The following UTRN variants were observed in gnomAD, a reference collection of about 807,000 sequenced individuals.
UTRN encodes the protein utrophin.
Under a neutral mutation model 463.9 loss-of-function variants are expected in UTRN, and 283 were observed. The ratio of observed to expected loss-of-function variants is 0.61; its 90% confidence interval spans 0.55 to 0.67. The LOEUF is 0.67. UTRN is among the 30% of genes least tolerant of loss of function. The pLI is 0.00. For missense variants in UTRN, 3,922 were observed against 4,084.3 expected (o/e 0.96, Z 1.08); for synonymous variants, 1,442 against 1,431.5 (o/e 1.01, Z -0.17).
At chr6:144,836,696 T>C in intron 71 of UTRN, 155 bp downstream of exon 71, 2 of 1,181,546 alleles carry the variant, frequency 1.7e-6, no homozygotes, top group South Asian at 1.6e-5. Context: ...TCCTTTTACA[T>C]GTAAGCATAT....
intron 53 of UTRN, among the ~76,000 whole-genome samples, chr6:144,708,814 A>G (rs538245281): frequency 6.6e-6 from 1 of 152,234 alleles, no homozygotes; most frequent in East Asian, 1.9e-4. Flanking sequence ...TTTGGCTCAC[A>G]CTTTTGGAGG....
intron 3 of UTRN, among the ~76,000 whole-genome samples, chr6:144,420,405 G>C (rs1306261532): frequency 6.6e-6 from 1 of 152,128 alleles, no homozygotes; most frequent in Non-Finnish European, 1.5e-5. Context: ...GGTAGTTAAA[G>C]GTCAAACTGG....
chr6:144,572,554 C>T (rs1055827487), intron 50 of UTRN, among the ~76,000 whole-genome samples: 1 of 152,076 alleles, frequency 6.6e-6, no homozygotes, highest in African/African-American at 2.4e-5. Flanking sequence ...CCTTGCCCCC[C>T]ACCCCCTGAC....
At chr6:144,519,014 G>T (rs1795864632) in intron 39 of UTRN, among the ~76,000 whole-genome samples, 1 of 152,124 alleles carries the variant, frequency 6.6e-6, no homozygotes, top group Non-Finnish European at 1.5e-5. Flanking sequence ...CAAAACATTT[G>T]TAGATGATTT....
chr6:144,501,220 C>T (rs1301049612), intron 34 of UTRN, among the ~76,000 whole-genome samples: 2 of 152,210 alleles, frequency 1.3e-5, no homozygotes, highest in African/African-American at 4.8e-5. Context: ...ATGAGCATTG[C>T]AAGTCATCGG....
chr6:144,541,148 T>C (rs890638163), intron 45 of UTRN, among the ~76,000 whole-genome samples: 3 of 152,212 alleles, frequency 2.0e-5, no homozygotes, highest in African/African-American at 7.2e-5. Context: ...AAGTGACTTA[T>C]CTGAGCAAAG....
intron 35 of UTRN, among the ~76,000 whole-genome samples, chr6:144,512,389 G>T (rs944516852): frequency 2.0e-5 from 3 of 152,048 alleles, no homozygotes; most frequent in African/African-American, 2.4e-5. Context: ...CTTAATAGGG[G>T]TAAACAAGTC....
At chr6:144,307,807 G>A (rs1449051346) in intron 2 of UTRN, among the ~76,000 whole-genome samples, 1 of 149,810 alleles carries the variant, frequency 6.7e-6, no homozygotes, top group Non-Finnish European at 1.5e-5. Flanking sequence ...CTAATTAACA[G>A]TCTGCCTCAG....
At chr6:144,641,434 A>G (rs1777756180) in intron 51 of UTRN, among the ~76,000 whole-genome samples, 2 of 152,216 alleles carry the variant, frequency 1.3e-5, no homozygotes, top group African/African-American at 4.8e-5. Context: ...AGCAGGCTTC[A>G]GAGAGAACAG....
At chr6:144,728,043 G>C (rs1022583885) in intron 53 of UTRN, among the ~76,000 whole-genome samples, 2 of 148,326 alleles carry the variant, frequency 1.3e-5, no homozygotes, top group Admixed American at 6.8e-5. Context: ...GAGGTTGCAA[G>C]TGAGCCAAGA....
intron 57 of UTRN, 48 bp downstream of exon 57, chr6:144,754,846 A>C: frequency 6.4e-7 from 1 of 1,552,926 alleles, no homozygotes; most frequent in South Asian, 1.1e-5. Context: ...ATGAATTAGC[A>C]TTTTCTTTCA....
In UTRN at chr6:144,851,096, C is replaced by T. The variant is rs900340555; in HGVS notation, c.*99C>T. The T allele has an allele frequency of 6.6e-6, 10 of 1,511,388 alleles. No individual in the cohort carries two copies. The East Asian group carries it at 2.0e-4, about 31-fold the overall frequency. 93.6% of individuals were successfully genotyped at this position (1,511,388 alleles called of 1,614,324 possible). ...CATTAAATCAGAAGCTCCATGGCTC[C>T]TTGGCCCACGATGTTGAGTGCTGAC... On this transcript the variant is annotated 3_prime_UTR_variant, in exon 75 of 75. Coordinates refer to ENST00000367545, the MANE Select transcript of UTRN (RefSeq NM_007124.3).
intron 65 of UTRN, among the ~76,000 whole-genome samples, chr6:144,813,771 A>T (rs1299450877): frequency 6.6e-6 from 1 of 152,208 alleles, no homozygotes; most frequent in Non-Finnish European, 1.5e-5. Context: ...ACAGATATTT[A>T]ATGGAAAGCT....
intron 51 of UTRN, among the ~76,000 whole-genome samples, chr6:144,655,181 G>T (rs1396052577): frequency 1.3e-5 from 2 of 152,234 alleles, no homozygotes; most frequent in Non-Finnish European, 1.5e-5. Flanking sequence ...TTTCATCAGG[G>T]GACTCAGGCC....
At chr6:144,701,062 A>T (rs145851494) in intron 53 of UTRN, among the ~76,000 whole-genome samples, 2,801 of 152,176 alleles carry the variant, frequency 0.018, 82 homozygotes, top group African/African-American at 0.064. Context: ...GCATGCCACC[A>T]TGCCCGGCTA....
intron 60 of UTRN, among the ~76,000 whole-genome samples, chr6:144,775,282 A>G (rs954516952): frequency 1.3e-5 from 2 of 152,218 alleles, no homozygotes; most frequent in Non-Finnish European, 2.9e-5. Flanking sequence ...AATTGAGGAA[A>G]GAGAGGTATA....
chr6:144,807,875 C>T (rs1778282500), intron 65 of UTRN, among the ~76,000 whole-genome samples: 2 of 152,084 alleles, frequency 1.3e-5, no homozygotes, highest in South Asian at 4.1e-4. Context: ...TCATAAAAGC[C>T]AGATGAGCTC....
intron 53 of UTRN, among the ~76,000 whole-genome samples, chr6:144,723,911 A>G (rs765720965): frequency 1.3e-5 from 2 of 150,528 alleles, no homozygotes; most frequent in Non-Finnish European, 3.0e-5. Flanking sequence ...TTGGGAGGCT[A>G]AGGCGGCAGA....
At chr6:144,562,502 G>A (rs1227476444) in intron 50 of UTRN, among the ~76,000 whole-genome samples, 1 of 152,090 alleles carries the variant, frequency 6.6e-6, no homozygotes, top group African/African-American at 2.4e-5. Context: ...ATGGCTTCCA[G>A]TTCCATCCAT....
Sources: gnomAD v4.1 joint callset for allele counts (sites outside exome capture counted in the v4.1 genomes callset) on GRCh38, gnomAD v4.1.1 for gene constraint, MANE v1.5 for transcripts, NCBI Gene and HGNC (gene_info 2026-07-23, HGNC 2026-07-21) for gene names.